The following RETREG1 variants were observed in gnomAD, a reference collection of about 807,000 sequenced individuals.
The protein encoded by RETREG1 is family with sequence similarity 134 member B.
In RETREG1, 44 loss-of-function variants were observed where a neutral mutation model predicts 54.8. That is an observed-to-expected ratio of 0.80 (90% CI 0.63 to 1.03). RETREG1 has a LOEUF of 1.03. Among genes scored for constraint, RETREG1 ranks in the 50% least tolerant of loss-of-function variants. RETREG1 has a pLI of 0.00. For missense variants in RETREG1, 554 were observed against 605.1 expected (o/e 0.92, Z 0.89); for synonymous variants, 217 against 238.5 (o/e 0.91, Z 0.83).
chr5:16,503,120 G>A (rs914251148), intron 3 of RETREG1, among the ~76,000 whole-genome samples: 4 of 152,266 alleles, frequency 2.6e-5, no homozygotes, highest in African/African-American at 9.6e-5. Context: ...TCACAGGGGC[G>A]TGATTACAGG....
intron 3 of RETREG1, among the ~76,000 whole-genome samples, chr5:16,526,928 T>C (rs950349543): frequency 3.3e-5 from 5 of 152,148 alleles, no homozygotes; most frequent in Non-Finnish European, 7.3e-5. Context: ...CAACTAACAC[T>C]CACAGTGTCT....
chr5:16,584,519 A>G (rs1394817748), intron 1 of RETREG1, among the ~76,000 whole-genome samples: 2 of 152,214 alleles, frequency 1.3e-5, no homozygotes, highest in Non-Finnish European at 2.9e-5. Context: ...GAAAGAAAAA[A>G]GGGTCTCGTA....
At position 16,527,879 on chromosome 5, in the gene RETREG1, G is replaced by A. The variant is rs984855992; in HGVS notation, c.458+37884C>T. On this transcript the variant is annotated intron_variant, in intron 3 of 8. Transcript: ENST00000306320. The stretch of plus-strand genomic sequence containing the variant: ...GATTGGACTGCAGTGGCACGATCTC[G>A]GCTCACTGCAAGCTCCGCCTCCTGG... 2.2e-5 allele frequency among the ~76,000 whole-genome samples: 3 copies of A among 133,542 alleles called. No homozygotes were observed. In the South Asian group the frequency reaches 7.1e-4, roughly 32 times the overall value. The allele number at this position is 133,542 out of a possible 152,430, so 87.6% of individuals were successfully genotyped here. A position where few individuals can be genotyped will look rare whatever the true frequency, so the allele number is the denominator to read the frequency against.
chr5:16,482,181 A>C (rs1304302896), intron 4 of RETREG1, among the ~76,000 whole-genome samples: 1 of 152,032 alleles, frequency 6.6e-6, no homozygotes, highest in African/African-American at 2.4e-5. Context: ...AGAATCTGGA[A>C]TTCTATAAAT....
chr5:16,516,063 C>CAAAAAAAAAAAAAAAAGAA (rs1740345078), intron 3 of RETREG1, among the ~76,000 whole-genome samples: 1 of 121,252 alleles, frequency 8.2e-6, no homozygotes, highest in Non-Finnish European at 1.8e-5. Context: ...TGAAATAAAG[C>CAAAAAAAAAAAAAAAAGAA]AAAAAAAAAA....
At chr5:16,568,576 C>T (rs1352364272) in intron 2 of RETREG1, among the ~76,000 whole-genome samples, 1 of 152,190 alleles carries the variant, frequency 6.6e-6, no homozygotes, top group Non-Finnish European at 1.5e-5. Context: ...TGCACCCGGC[C>T]TCATCCATCT....
intron 1 of RETREG1, among the ~76,000 whole-genome samples, chr5:16,613,215 T>C (rs1255917824): frequency 1.3e-5 from 2 of 152,194 alleles, no homozygotes; most frequent in Non-Finnish European, 2.9e-5. Context: ...CACTACATTT[T>C]CTACCAGCCC....
At chr5:16,562,987 TG>T (rs1741904757) in intron 3 of RETREG1, among the ~76,000 whole-genome samples, 2 of 149,086 alleles carry the variant, frequency 1.3e-5, no homozygotes, top group African/African-American at 2.5e-5. Context: ...AATGGGGGGA[TG>T]GGGGGGACTG....
Position 16,527,001 on chromosome 5 carries a change from G to A in RETREG1, c.458+38762C>T, listed in dbSNP as rs147441884. 2.8e-4 allele frequency among the ~76,000 whole-genome samples: 43 copies of A among 152,322 alleles called. No individual in the cohort carries two copies. In the South Asian group the frequency reaches 6.0e-3, roughly 21 times the overall value. On this transcript the variant is annotated intron_variant, in intron 3 of 8. Transcript: ENST00000306320. ...AGGGGTGCGAAAGACTGGCCTCCTCGTGGCAATTTGGGACAACTCTGCAAG... is the reference window on the plus strand; with the variant it reads ...AGGGGTGCGAAAGACTGGCCTCCTCATGGCAATTTGGGACAACTCTGCAAG...
chr5:16,598,874 C>A (rs1742972989), intron 1 of RETREG1, among the ~76,000 whole-genome samples: 1 of 152,108 alleles, frequency 6.6e-6, no homozygotes, highest in South Asian at 2.1e-4. Context: ...ACAAATCATG[C>A]TCTATTTGTT....
intron 2 of RETREG1, among the ~76,000 whole-genome samples, chr5:16,570,676 A>G (rs956343464): frequency 6.6e-6 from 1 of 152,230 alleles, no homozygotes; most frequent in Non-Finnish European, 1.5e-5. Flanking sequence ...AGGCAGATAA[A>G]TAAGAATCAT....
At position 16,478,830 on chromosome 5, in the gene RETREG1, A is replaced by G; in HGVS notation, c.808+20T>C. 2 of 1,607,696 alleles carry G rather than the reference A, an allele frequency of 1.2e-6. No homozygotes were observed. Among genetic ancestry groups the G allele is most frequent in the African/African-American group, 1.3e-5 (1 of 74,844 alleles). ...ATGTCTCATTTCATGCATAGAATCT[A>G]AAATATAAACTTTACCTACCAGATC... On this transcript the variant is annotated intron_variant, in intron 6 of 8. Transcript: ENST00000306320.
intron 1 of RETREG1, among the ~76,000 whole-genome samples, chr5:16,573,872 G>A (rs1192322088): frequency 1.3e-5 from 2 of 151,184 alleles, no homozygotes; most frequent in Non-Finnish European, 2.9e-5. Flanking sequence ...AGCCGCCCAA[G>A]TAGCTGGAAA....
chr5:16,576,577 C>T lies in RETREG1; in HGVS notation c.321-4475G>A, dbSNP rs527357424. Among the ~76,000 whole-genome samples, 16 of 152,312 alleles carry T rather than the reference C, an allele frequency of 1.1e-4. 1 individual carries two copies. Among genetic ancestry groups the T allele is most frequent in the Non-Finnish European group, 1.2e-4 (8 of 68,018 alleles). ...CTCGGCTCACCGCAACCTCCGCCTC[C>T]CAGGTTCAAGCAATTCCCCTGCCTC... On this transcript the variant is annotated intron_variant, in intron 1 of 8. Coordinates refer to ENST00000306320, the MANE Select transcript of RETREG1 (RefSeq NM_001034850.3).
intron 3 of RETREG1, among the ~76,000 whole-genome samples, chr5:16,499,314 T>C (rs1014262166): frequency 1.3e-5 from 2 of 152,222 alleles, no homozygotes; most frequent in African/African-American, 4.8e-5. Flanking sequence ...CAGTTACTTT[T>C]GAGGGAAAGT....
At chr5:16,603,011 AAAACAAAC>A (rs372631721) in intron 1 of RETREG1, among the ~76,000 whole-genome samples, 3 of 152,192 alleles carry the variant, frequency 2.0e-5, no homozygotes, top group Admixed American at 6.5e-5. Context: ...TCTGTCTCAA[AAAACAAAC>A]AAACAAACAA....
At chr5:16,516,433 A>G (rs906677102) in intron 3 of RETREG1, among the ~76,000 whole-genome samples, 4 of 152,244 alleles carry the variant, frequency 2.6e-5, no homozygotes, top group Non-Finnish European at 4.4e-5. Flanking sequence ...GTAGAACAGC[A>G]CAACCGAATC....
At chr5:16,527,046 T>G (rs759669275) in intron 3 of RETREG1, among the ~76,000 whole-genome samples, 11 of 152,372 alleles carry the variant, frequency 7.2e-5, no homozygotes, top group Middle Eastern at 3.4e-3. Flanking sequence ...GAGGCCTTTG[T>G]TGCGCCTGCA....
chr5:16,516,260 T>C (rs1740352796), intron 3 of RETREG1, among the ~76,000 whole-genome samples: 1 of 152,194 alleles, frequency 6.6e-6, no homozygotes, highest in Non-Finnish European at 1.5e-5. Context: ...GAGGTAGAGA[T>C]AGCTCAAGTC....
Sources: allele counts gnomAD v4.1 joint callset (sites outside exome capture counted in the v4.1 genomes callset), GRCh38; gene constraint gnomAD v4.1.1; transcripts MANE v1.5; gene names NCBI Gene and HGNC (gene_info 2026-07-23, HGNC 2026-07-21).